SORCS2: variants seen among roughly 807,000 people sequenced by gnomAD.
The protein encoded by SORCS2 is VPS10 domain-containing receptor SorCS2.
Under a neutral mutation model 141.6 loss-of-function variants are expected in SORCS2, and 100 were observed. The ratio of observed to expected loss-of-function variants is 0.71; its 90% confidence interval spans 0.60 to 0.83. The LOEUF (loss-of-function observed/expected upper bound fraction) is 0.83. SORCS2 is among the 40% of genes least tolerant of loss of function. SORCS2 has a pLI of 0.00. For synonymous variants in SORCS2, 789 were observed against 676.9 expected, an observed-to-expected ratio of 1.17 and a Z score of -2.57; for missense variants, 1,646 against 1,560.2, an observed-to-expected ratio of 1.05 and a Z score of -0.93.
intron 1 of SORCS2, among the ~76,000 whole-genome samples, chr4:7,346,505 T>G (rs1483134784): frequency 1.3e-5 from 2 of 152,214 alleles, no homozygotes; most frequent in Non-Finnish European, 2.9e-5. Context: ...AAATAATCTG[T>G]ACTCAACTGT....
intron 15 of SORCS2, among the ~76,000 whole-genome samples, chr4:7,713,653 G>C (rs1470998492): frequency 6.6e-6 from 1 of 152,274 alleles, no homozygotes; most frequent in African/African-American, 2.4e-5. Context: ...GAAGCCTATC[G>C]GATAGGGAGG....
intron 3 of SORCS2, among the ~76,000 whole-genome samples, chr4:7,637,884 G>A (rs1013597000): frequency 1.3e-5 from 2 of 152,082 alleles, no homozygotes; most frequent in African/African-American, 4.8e-5. Context: ...GATTTGCATT[G>A]AGCCGGCTGG....
intron 18 of SORCS2, among the ~76,000 whole-genome samples, chr4:7,721,096 C>T (rs1362567603): frequency 6.6e-6 from 1 of 152,222 alleles, no homozygotes; most frequent in Non-Finnish European, 1.5e-5. Context: ...AGGTGCCCTG[C>T]AGTGGGTGAA....
At chr4:7,392,847 C>G (rs895073559) in intron 1 of SORCS2, among the ~76,000 whole-genome samples, 1 of 151,888 alleles carries the variant, frequency 6.6e-6, no homozygotes, top group Non-Finnish European at 1.5e-5. Flanking sequence ...GGTTCTGTGC[C>G]TCAGTTTCCT....
chr4:7,607,020 A>C (rs764099861), intron 3 of SORCS2, among the ~76,000 whole-genome samples: 9 of 152,082 alleles, frequency 5.9e-5, no homozygotes, highest in Non-Finnish European at 1.0e-4. Context: ...CTCTGAAGCG[A>C]TTTCACTACC....
At chr4:7,403,377 C>G (rs556511074) in intron 2 of SORCS2, among the ~76,000 whole-genome samples, 17 of 152,256 alleles carry the variant, frequency 1.1e-4, no homozygotes, top group Admixed American at 9.8e-4. Context: ...GAACCAAGCT[C>G]AACCACACAA....
intron 2 of SORCS2, among the ~76,000 whole-genome samples, chr4:7,402,793 C>T (rs1430420599): frequency 6.6e-6 from 1 of 152,062 alleles, no homozygotes; most frequent in Non-Finnish European, 1.5e-5. Flanking sequence ...TGTTATTTTG[C>T]ATCTCCCTCA....
intron 3 of SORCS2, among the ~76,000 whole-genome samples, chr4:7,631,592 A>T (rs1719899372): frequency 6.6e-6 from 1 of 152,018 alleles, no homozygotes; most frequent in African/African-American, 2.4e-5. Context: ...GGCTGCCCTG[A>T]CTAGTACACC....
chr4:7,254,798 A>G (rs973673079), intron 1 of SORCS2, among the ~76,000 whole-genome samples: 4 of 152,124 alleles, frequency 2.6e-5, no homozygotes, highest in African/African-American at 9.7e-5. Context: ...GAGGATTCTA[A>G]TAACAGTGAC....
At chr4:7,256,681 G>T (rs1713898488) in intron 1 of SORCS2, among the ~76,000 whole-genome samples, 1 of 151,730 alleles carries the variant, frequency 6.6e-6, no homozygotes, top group Non-Finnish European at 1.5e-5. Context: ...ACCATCAATA[G>T]TGGGGGAGCT....
At chr4:7,694,347 G>C (rs1163226863) in intron 11 of SORCS2, among the ~76,000 whole-genome samples, 1 of 152,128 alleles carries the variant, frequency 6.6e-6, no homozygotes, top group African/African-American at 2.4e-5. Context: ...CATAAAATGA[G>C]GGTGTCAGCC....
intron 2 of SORCS2, among the ~76,000 whole-genome samples, chr4:7,409,370 C>T (rs1392950711): frequency 6.6e-6 from 1 of 152,200 alleles, no homozygotes; most frequent in African/African-American, 2.4e-5. Flanking sequence ...GCCATGGGTT[C>T]ATGCCCAGGA....
chr4:7,724,468 ATGGTGAT>A (rs1726916763), intron 19 of SORCS2, among the ~76,000 whole-genome samples: 5 of 31,190 alleles, frequency 1.6e-4, no homozygotes, highest in African/African-American at 7.0e-4. Flanking sequence ...GGTGGTGGTG[ATGGTGAT>A]GGTGGTGATG....
chr4:7,354,450 GACA>G (rs937942139), intron 1 of SORCS2, among the ~76,000 whole-genome samples: 6 of 152,000 alleles, frequency 3.9e-5, no homozygotes, highest in East Asian at 3.9e-4. Flanking sequence ...GTGAAAGAGA[GACA>G]ACAAGGTGCA....
intron 3 of SORCS2, among the ~76,000 whole-genome samples, chr4:7,554,338 G>C (rs771091523): frequency 3.9e-5 from 6 of 152,106 alleles, no homozygotes; most frequent in Non-Finnish European, 7.3e-5. Flanking sequence ...TATTATTGAG[G>C]AGGAGGCCAC....
intron 1 of SORCS2, among the ~76,000 whole-genome samples, chr4:7,337,805 G>T (rs1720083617): frequency 6.6e-6 from 1 of 152,190 alleles, no homozygotes; most frequent in African/African-American, 2.4e-5. Flanking sequence ...CCGGCCCTGT[G>T]CCTTCCACCT....
At chr4:7,445,811 A>G (rs1727956653) in intron 2 of SORCS2, among the ~76,000 whole-genome samples, 1 of 152,094 alleles carries the variant, frequency 6.6e-6, no homozygotes, top group Non-Finnish European at 1.5e-5. Flanking sequence ...AGGACTCCAG[A>G]GAGGCCCAGG....
At chr4:7,618,673 T>C (rs1392967229) in intron 3 of SORCS2, among the ~76,000 whole-genome samples, 1 of 152,010 alleles carries the variant, frequency 6.6e-6, no homozygotes, top group African/African-American at 2.4e-5. Context: ...CCTAGGAGGC[T>C]TTTCTGCCTC....
chr4:7,715,425 C>T lies in SORCS2; in HGVS notation c.2252+114C>T, dbSNP rs370964772. 11 of 1,467,644 alleles carry T rather than the reference C, an allele frequency of 7.5e-6. No individual in the cohort carries two copies. In the Admixed American group the frequency reaches 8.3e-5, roughly 11 times the overall value. 90.9% of individuals were successfully genotyped at this position (1,467,644 alleles called of 1,614,324 possible). On this transcript the variant is annotated intron_variant, in intron 17 of 26. Transcript: ENST00000507866. Reference sequence around the variant, plus strand: ...GCAGCTCCCAACTCCCAAGTGGAGTCGGGGAAAGAGAGGTCAAAGTTGAGG... The same window carrying T: ...GCAGCTCCCAACTCCCAAGTGGAGTTGGGGAAAGAGAGGTCAAAGTTGAGG...
Sources: allele counts gnomAD v4.1 joint callset (sites outside exome capture counted in the v4.1 genomes callset), GRCh38; gene constraint gnomAD v4.1.1; transcripts MANE v1.5; gene names NCBI Gene and HGNC (gene_info 2026-07-23, HGNC 2026-07-21).